The following VWA5A variants were observed in gnomAD, a reference collection of about 807,000 sequenced individuals.
The protein encoded by VWA5A is von Willebrand factor A domain containing 5A, also known as von Willebrand factor A domain-containing protein 5A.
In VWA5A, 77 loss-of-function variants were observed where a neutral mutation model predicts 84.6. The ratio of observed to expected loss-of-function variants is 0.91; its 90% CI spans 0.76 to 1.10. The LOEUF (loss-of-function observed/expected upper bound fraction) is 1.10. Among genes scored for constraint, VWA5A ranks in the 50% least tolerant of loss-of-function variants. The pLI is 0.00. For synonymous variants in VWA5A, 334 were observed against 350.1 expected (o/e 0.95, Z 0.51); for missense variants, 973 against 963.0 (o/e 1.01, Z -0.14).
In VWA5A at chr11:124,118,005, C is replaced by T. The variant is rs147131099; in HGVS notation, c.246+130C>T. ...TGCTGATGTTGAAAGCTCTTTCTTC[C>T]ACTCTTTTCTAACTGCCATTTTTCT... On this transcript the variant is annotated intron_variant, in intron 4 of 18. Coordinates refer to ENST00000456829, the MANE Select transcript of VWA5A (RefSeq NM_001130142.2). The T allele has an allele frequency of 3.6e-4, 483 of 1,325,194 alleles. No individual in the cohort carries two copies. The African/African-American group carries it at 6.2e-3, about 17-fold the overall frequency. The allele number at this position is 1,325,194 out of a possible 1,614,324, so 82.1% of individuals were successfully genotyped here.
At chr11:124,136,523 A>G (rs1365188095) in intron 13 of VWA5A, 51 bp from the exon 14 acceptor site, 10 of 1,577,146 alleles carry the variant, frequency 6.3e-6, no homozygotes, top group African/African-American at 1.3e-5. Context: ...CCTTCCATGG[A>G]TGATCAGAAC....
At chr11:124,129,033 G>A (rs937699504) in intron 11 of VWA5A, among the ~76,000 whole-genome samples, 3 of 152,196 alleles carry the variant, frequency 2.0e-5, no homozygotes, top group African/African-American at 7.2e-5. Flanking sequence ...TAGGAGTGGT[G>A]AGAGAGGGCA....
chr11:124,120,042 C>T (rs993065876), intron 7 of VWA5A, among the ~76,000 whole-genome samples: 11 of 152,042 alleles, frequency 7.2e-5, no homozygotes, highest in African/African-American at 2.2e-4. Flanking sequence ...CAAAATTGAC[C>T]ATTTTAACTG....
Position 124,118,361 on chromosome 11 carries a change from C to A in VWA5A, c.419C>A (p.Ala140Asp), listed in dbSNP as rs1489831067. The A allele has an allele frequency of 6.2e-7, 1 of 1,614,228 alleles. No individual in the cohort carries two copies. The highest frequency in any genetic ancestry group is 8.5e-7 in the Non-Finnish European group (1 of 1,180,048). The change falls in exon 5 of 19, where the codon GCT becomes GAT. Residue 140 changes from alanine to aspartate, a missense_variant. Coordinates refer to ENST00000456829, the MANE Select transcript of VWA5A (RefSeq NM_001130142.2). ...GAGCTGCCTCTGGAAGCAGATGGGG[C>A]TCTGCGCTTTGTGCTCCCAGCTGTC... ...VQELPLEADG[A>D]LRFVLPAVLN...
In VWA5A at chr11:124,123,729, C is replaced by T. The variant is rs918547515; in HGVS notation, c.1089C>T (p.Asp363=). The T allele has an allele frequency of 1.2e-6, 2 of 1,611,698 alleles. No individual in the cohort carries two copies. Among genetic ancestry groups the T allele is most frequent in the South Asian group, 1.1e-5 (1 of 90,672 alleles). ...GGAGAGTGAAGCTTATGCAGGCCGA[C>T]CTAGGGGGCACTGAAATCTTGGCAC... ...ALGRVKLMQA[D]LGGTEILAPL... Residue 363 remains aspartate (D), a synonymous_variant, in exon 10 of 19, where the codon GAC becomes GAT. Coordinates refer to ENST00000456829, the MANE Select transcript of VWA5A (RefSeq NM_001130142.2).
At position 124,137,182 on chromosome 11, in the gene VWA5A, C is replaced by T. The variant is rs564825201; in HGVS notation, c.1793C>T (p.Pro598Leu). The T allele has an allele frequency of 5.3e-5, 86 of 1,614,028 alleles. No homozygotes were observed. The Admixed American group carries it at 5.8e-4, about 11-fold the overall frequency. ...GCTATCAATAAGGAGCTCAACAAGC[C>T]GGTTCAGGGGCCTCTGGCTCATAGG... is the stretch of plus-strand genomic sequence containing the variant. ...FIAINKELNKPVQGPLAHRDV... is the reference protein window; with the variant it reads ...FIAINKELNKLVQGPLAHRDV... Residue 598 changes from proline (P) to leucine (L), a missense_variant, in exon 15 of 19, where the codon CCG (proline) becomes CTG (leucine). By Grantham distance (98) the Pro-to-Leu change is moderately conservative. Transcript: ENST00000456829.
At position 124,136,691 on chromosome 11, in the gene VWA5A, CCCTTCCTTCCTT is replaced by C. The variant is rs370786608; in HGVS notation, c.1625+63_1625+74del. On this transcript the variant is annotated intron_variant, in intron 14 of 18. Transcript: ENST00000456829. ...TGATGTCAAGTGAGAATTCAGTTTT[CCCTTCCTTCCTT>C]CCTTCCTTCCTTCCTTCCTTCCTTC... is the stretch of plus-strand genomic sequence containing the variant. 0.085 allele frequency: 92,848 copies of C among 1,094,042 alleles called. 6,966 individuals carry two copies. Among genetic ancestry groups the C allele is most frequent in the Middle Eastern group, 0.13 (572 of 4,310 alleles). The allele number at this position is 1,094,042 out of a possible 1,614,324, so 67.8% of individuals were successfully genotyped here.
At chr11:124,136,949 G>T in intron 14 of VWA5A, 66 bp from the exon 15 acceptor site, 1 of 1,550,870 alleles carries the variant, frequency 6.4e-7, no homozygotes, top group Non-Finnish European at 8.7e-7. Context: ...ACTTTTAGGA[G>T]CCCTGAGAAA....
At chr11:124,119,137 G>A (rs781286176) in intron 7 of VWA5A, 48 bp downstream of exon 7, 38 of 1,514,514 alleles carry the variant, frequency 2.5e-5, no homozygotes, top group Non-Finnish European at 3.2e-5. Context: ...GCAACTCCCT[G>A]TCTTGGAATT....
intron 17 of VWA5A, among the ~76,000 whole-genome samples, chr11:124,144,310 C>T (rs1158151082): frequency 6.6e-6 from 1 of 152,130 alleles, no homozygotes; most frequent in Admixed American, 6.5e-5. Context: ...ATGACTACAA[C>T]TGTGTGAATC....
At position 124,123,839 on chromosome 11, in the gene VWA5A, G is replaced by C. The variant is rs574296217; in HGVS notation, c.1164+35G>C. 7.2e-6 allele frequency: 11 copies of C among 1,529,482 alleles called. No homozygotes were observed. The African/African-American group carries it at 1.4e-4, about 19-fold the overall frequency. 94.7% of individuals were successfully genotyped at this position (1,529,482 alleles called of 1,614,324 possible). A position where few individuals can be genotyped will look rare whatever the true frequency, so the allele number is the denominator to read the frequency against. ...GGAACAGAGCTAACAGAAGAGACAG[G>C]AAGTGTGAAATCTCTAAGAATCTAT... is the stretch of plus-strand genomic sequence containing the variant. On this transcript the variant is annotated intron_variant, in intron 10 of 18. Transcript: ENST00000456829.
intron 11 of VWA5A, among the ~76,000 whole-genome samples, chr11:124,128,167 T>C (rs1865047506): frequency 6.6e-6 from 1 of 152,242 alleles, no homozygotes; most frequent in Non-Finnish European, 1.5e-5. Flanking sequence ...AAGTCTTTAA[T>C]CCATCTTGAG....
At chr11:124,130,283 C>T (rs758706398) in intron 11 of VWA5A, among the ~76,000 whole-genome samples, 5 of 152,068 alleles carry the variant, frequency 3.3e-5, no homozygotes, top group African/African-American at 7.2e-5. Flanking sequence ...TGTAGTTGTG[C>T]GGTTTTGAAT....
rs1385390558 is a variant in VWA5A, at chr11:124,118,708, G to A, written c.645G>A (p.Gln215=). Reference sequence around the variant, plus strand: ...TAGGAGAGGACAAGACTTCTGCTCAGGTAGTTAATGAGAGAATACTGCTAT... The same window carrying A: ...TAGGAGAGGACAAGACTTCTGCTCAAGTAGTTAATGAGAGAATACTGCTAT... The part of the protein sequence containing the change: ...EYLGEDKTSA[Q]VSLAAGHKFD... Residue 215 remains glutamine (Q), a splice_region_variant and synonymous_variant, in exon 6 of 19, where the codon CAG becomes CAA. Transcript: ENST00000456829. 21 of 1,612,652 alleles carry A rather than the reference G, an allele frequency of 1.3e-5. No homozygotes were observed. Among genetic ancestry groups the A allele is most frequent in the Non-Finnish European group, 1.7e-5 (20 of 1,179,268 alleles).
chr11:124,131,690 A>G (rs1322922000), intron 11 of VWA5A, among the ~76,000 whole-genome samples: 2 of 151,900 alleles, frequency 1.3e-5, no homozygotes, highest in Admixed American at 1.3e-4. Context: ...TTAGATATTA[A>G]TTAAATTATA....
intron 11 of VWA5A, among the ~76,000 whole-genome samples, chr11:124,130,528 A>G (rs1865081140): frequency 6.6e-6 from 1 of 152,122 alleles, no homozygotes; most frequent in African/African-American, 2.4e-5. Flanking sequence ...AGTCCTGAAT[A>G]TATTTGTTAG....
At chr11:124,125,992 T>C (rs1185435325) in intron 11 of VWA5A, among the ~76,000 whole-genome samples, 2 of 152,240 alleles carry the variant, frequency 1.3e-5, no homozygotes, top group Non-Finnish European at 2.9e-5. Flanking sequence ...TGGAAAAGTT[T>C]GTCCTTTTCT....
chr11:124,142,396 G>A (rs58951195), intron 16 of VWA5A, 46 bp from the exon 17 acceptor site: 51,586 of 1,605,946 alleles, frequency 0.032, 1,124 homozygotes, highest in African/African-American at 0.093. Flanking sequence ...CTGAGGTGCC[G>A]ATAGCTCCAC....
At chr11:124,139,204 A>C (rs191527506) in intron 15 of VWA5A, among the ~76,000 whole-genome samples, 1 of 148,986 alleles carries the variant, frequency 6.7e-6, no homozygotes, top group African/African-American at 2.5e-5. Context: ...GTCAGATAGT[A>C]TGATGCCTCC....
Sources: gnomAD v4.1 joint callset for allele counts (sites outside exome capture counted in the v4.1 genomes callset) on GRCh38, gnomAD v4.1.1 for gene constraint, MANE v1.5 for transcripts, NCBI Gene and HGNC (gene_info 2026-07-23, HGNC 2026-07-21) for gene names.